The following RBFOX1 variants were observed in gnomAD, a reference collection of about 807,000 sequenced individuals.
RBFOX1 encodes RNA binding fox-1 homolog 1, also known as RNA binding protein fox-1 homolog 1.
RBFOX1 carries 8 observed loss-of-function variants against 57.7 expected under a neutral mutation model. The observed-to-expected ratio is 0.14, with a 90% CI of 0.08 to 0.25. The LOEUF (loss-of-function observed/expected upper bound fraction) is 0.25, where lower values mean the gene tolerates loss of function less well. Ranked by LOEUF, RBFOX1 falls within the 10% of genes least tolerant of loss-of-function variation. RBFOX1 has a pLI of 1.00. For missense variants in RBFOX1, 611 were observed against 548.5 expected (o/e 1.11, Z -1.14); for synonymous variants, 326 against 222.4 (o/e 1.47, Z -4.15).
chr16:7,090,968 G>C (rs141710648), intron 4 of RBFOX1, among the ~76,000 whole-genome samples: 30 of 152,246 alleles, frequency 2.0e-4, no homozygotes, highest in African/African-American at 7.2e-4. Context: ...GAATACAATT[G>C]AGCTGTTTCT....
At chr16:7,533,355 A>G (rs55912910) in intron 5 of RBFOX1, among the ~76,000 whole-genome samples, 15,938 of 152,198 alleles carry the variant, frequency 0.1, 968 homozygotes, top group East Asian at 0.22. Context: ...GTTATATCAG[A>G]AATACAACAT....
At chr16:6,257,524 G>C (rs368001337) in intron 1 of RBFOX1, among the ~76,000 whole-genome samples, 2 of 151,860 alleles carry the variant, frequency 1.3e-5, no homozygotes, top group Non-Finnish European at 2.9e-5. Context: ...TGTTGCCCAG[G>C]TTTAAACTTA....
intron 4 of RBFOX1, among the ~76,000 whole-genome samples, chr16:7,471,008 G>A (rs1408500849): frequency 1.3e-5 from 2 of 151,684 alleles, no homozygotes; most frequent in African/African-American, 2.4e-5. Flanking sequence ...AGATTTTATT[G>A]AACTTTTAAG....
chr16:7,153,629 A>C (rs1207843089), intron 4 of RBFOX1, among the ~76,000 whole-genome samples: 1 of 151,220 alleles, frequency 6.6e-6, no homozygotes, highest in African/African-American at 2.4e-5. Context: ...GGGCGCCTAT[A>C]ATTCCAGCTA....
intron 2 of RBFOX1, among the ~76,000 whole-genome samples, chr16:6,427,626 A>C (rs2093967262): frequency 6.6e-6 from 1 of 152,218 alleles, no homozygotes. Context: ...TGGAGCTGCC[A>C]AGTAAGGTGG....
At chr16:5,900,721 G>A (rs7199001) in intron 4 of RBFOX1, among the ~76,000 whole-genome samples, 32 of 152,098 alleles carry the variant, frequency 2.1e-4, no homozygotes, top group Non-Finnish European at 4.1e-4. Flanking sequence ...GGGACCTGGC[G>A]GCCAGCTTCG....
chr16:6,950,859 G>C (rs1413689317), intron 3 of RBFOX1, among the ~76,000 whole-genome samples: 2 of 151,682 alleles, frequency 1.3e-5, no homozygotes, highest in African/African-American at 4.8e-5. Context: ...TTCTTTCTCT[G>C]TTTTTGTCTC....
intron 3 of RBFOX1, among the ~76,000 whole-genome samples, chr16:5,710,020 G>A (rs1302529486): frequency 1.3e-5 from 2 of 150,588 alleles, no homozygotes; most frequent in Non-Finnish European, 3.0e-5. Context: ...CAGCCTGTAC[G>A]CTGAAGGGTT....
intron 3 of RBFOX1, among the ~76,000 whole-genome samples, chr16:6,691,837 C>T (rs2060253262): frequency 6.6e-6 from 1 of 152,178 alleles, no homozygotes; most frequent in Admixed American, 6.5e-5. Context: ...GAAAGCTGAG[C>T]ACTTTTCCTT....
At chr16:7,268,575 G>C (rs184310871) in intron 4 of RBFOX1, among the ~76,000 whole-genome samples, 16 of 152,332 alleles carry the variant, frequency 1.1e-4, no homozygotes, top group Admixed American at 5.9e-4. Flanking sequence ...ATAAAGAACA[G>C]ATTATGCGCT....
chr16:6,527,229 C>T (rs1457145825), intron 2 of RBFOX1, among the ~76,000 whole-genome samples: 1 of 152,050 alleles, frequency 6.6e-6, no homozygotes, highest in East Asian at 1.9e-4. Flanking sequence ...TTTCCCTTTC[C>T]AGAAGTAAAG....
At chr16:6,910,718 A>G (rs1266450518) in intron 3 of RBFOX1, among the ~76,000 whole-genome samples, 3 of 152,226 alleles carry the variant, frequency 2.0e-5, no homozygotes, top group Non-Finnish European at 4.4e-5. Context: ...CTAAAGCAAC[A>G]TCATTTCCTA....
intron 2 of RBFOX1, among the ~76,000 whole-genome samples, chr16:6,646,881 T>G (rs911602319): frequency 6.6e-6 from 1 of 152,076 alleles, no homozygotes; most frequent in Non-Finnish European, 1.5e-5. Flanking sequence ...GCCATTAATT[T>G]AGGAGACAGG....
At chr16:5,526,640 C>G (rs1319542882) in intron 2 of RBFOX1, among the ~76,000 whole-genome samples, 1 of 152,126 alleles carries the variant, frequency 6.6e-6, no homozygotes, top group African/African-American at 2.4e-5. Context: ...CCCAAGGACA[C>G]ACAAGCAATG....
At chr16:6,768,939 G>C (rs562496039) in intron 3 of RBFOX1, among the ~76,000 whole-genome samples, 8 of 152,138 alleles carry the variant, frequency 5.3e-5, no homozygotes, top group Admixed American at 2.0e-4. Flanking sequence ...ATGTTGGCCA[G>C]GCTGGTCTCA....
chr16:7,191,857 C>T (rs2085471417), intron 4 of RBFOX1, among the ~76,000 whole-genome samples: 1 of 152,178 alleles, frequency 6.6e-6, no homozygotes, highest in Admixed American at 6.5e-5. Context: ...TATTAACCAT[C>T]ACCAGGCAAC....
chr16:5,457,607 A>G (rs2068668700), intron 1 of RBFOX1, among the ~76,000 whole-genome samples: 1 of 151,764 alleles, frequency 6.6e-6, no homozygotes, highest in African/African-American at 2.4e-5. Context: ...CTTTGAGTTA[A>G]CTCTTTCGTC....
intron 4 of RBFOX1, among the ~76,000 whole-genome samples, chr16:7,077,890 T>C (rs374671598): frequency 1.3e-5 from 2 of 152,306 alleles, no homozygotes; most frequent in East Asian, 3.9e-4. Context: ...TTTAAGCAAC[T>C]TGAGATTGTG....
chr16:6,821,811 T>G (rs1415582893), intron 3 of RBFOX1, among the ~76,000 whole-genome samples: 2 of 152,234 alleles, frequency 1.3e-5, no homozygotes, highest in Non-Finnish European at 2.9e-5. Context: ...CTAGCTGTTG[T>G]GAATGATGCT....
Sources: gnomAD v4.1 joint callset for allele counts (sites outside exome capture counted in the v4.1 genomes callset) on GRCh38, gnomAD v4.1.1 for gene constraint, MANE v1.5 for transcripts, NCBI Gene and HGNC (gene_info 2026-07-23, HGNC 2026-07-21) for gene names.